The following PPFIBP2 variants were observed in gnomAD, a reference collection of about 807,000 sequenced individuals.
PPFIBP2 encodes the protein PPFIB scaffold protein 2.
In PPFIBP2, 118 loss-of-function variants were observed where a neutral mutation model predicts 118.3. The ratio of observed to expected loss-of-function variants is 1.00; its 90% CI spans 0.86 to 1.16. PPFIBP2 has a LOEUF of 1.16. Among genes scored for constraint, PPFIBP2 ranks in the 50% most tolerant of loss-of-function variants. The probability of loss-of-function intolerance (pLI) is 0.00; values close to 1 mark genes in which losing one functional copy is unlikely to be tolerated. For missense variants in PPFIBP2, 1,195 were observed against 1,073.1 expected (o/e 1.11, Z -1.59); for synonymous variants, 414 against 397.4 (o/e 1.04, Z -0.50).
chr11:7,581,282 G>T (rs1488439994), intron 3 of PPFIBP2, among the ~76,000 whole-genome samples: 1 of 152,172 alleles, frequency 6.6e-6, no homozygotes, highest in Non-Finnish European at 1.5e-5. Flanking sequence ...CTCCGAGCAG[G>T]GTCTGTGGGA....
Position 7,597,749 on chromosome 11 carries a change from A to G in PPFIBP2, c.486+76A>G, listed in dbSNP as rs181931576. On this transcript the variant is annotated intron_variant, in intron 5 of 23. Coordinates refer to ENST00000299492, the MANE Select transcript of PPFIBP2 (RefSeq NM_003621.5). ...TGAAGCCCCTTTGTGTGCCCAGGCT[A>G]CAGCCCTCGCTGTCTGCTTTCCCAT... The G allele has an allele frequency of 1.3e-3, 1,584 of 1,194,152 alleles. 11 individuals are homozygous for G. The highest frequency in any genetic ancestry group is 3.9e-4 in the Non-Finnish European group (315 of 816,638). The allele number at this position is 1,194,152 out of a possible 1,614,324, so 74.0% of individuals were successfully genotyped here.
chr11:7,653,959 G>C (rs146825051), downstream of PPFIBP2, among the ~76,000 whole-genome samples: 3 of 152,276 alleles, frequency 2.0e-5, no homozygotes, highest in East Asian at 5.8e-4. Context: ...TGGCCGCACT[G>C]CTTCAGAATT....
intron 2 of PPFIBP2, among the ~76,000 whole-genome samples, chr11:7,562,961 A>T (rs1433735605): frequency 3.1e-5 from 4 of 129,312 alleles, no homozygotes; most frequent in African/African-American, 8.2e-5. Flanking sequence ...ATATATATAT[A>T]TATATATATA....
intron 6 of PPFIBP2, among the ~76,000 whole-genome samples, chr11:7,618,702 T>C (rs565313377): frequency 6.6e-6 from 1 of 150,666 alleles, no homozygotes; most frequent in East Asian, 1.9e-4. Flanking sequence ...TTCTTTTTCT[T>C]TTTTTTTTAG....
rs878988121 is a variant in PPFIBP2, at chr11:7,549,388, G to A, written c.-36-52G>A. The stretch of plus-strand genomic sequence containing the variant: ...GAAAGATTTTTGCGATCTTGTGTGC[G>A]TAACATGGAACTCTCTGTAATTTTT... On this transcript the variant is annotated intron_variant, in intron 1 of 23. Coordinates refer to ENST00000299492, the MANE Select transcript of PPFIBP2 (RefSeq NM_003621.5). The A allele has an allele frequency of 2.5e-5, 37 of 1,490,920 alleles. 1 individual carries two copies. The highest frequency in any genetic ancestry group is 1.1e-4 in the African/African-American group (8 of 71,328). The allele number at this position is 1,490,920 out of a possible 1,614,324, so 92.4% of individuals were successfully genotyped here. A position where few individuals can be genotyped will look rare whatever the true frequency, so the allele number is the denominator to read the frequency against.
intron 6 of PPFIBP2, chr11:7,617,247 G>A (rs550021818): frequency 8.3e-5 from 82 of 985,440 alleles, no homozygotes; most frequent in South Asian, 3.8e-4. Flanking sequence ...CGGTGTGGCC[G>A]AGCCCCAGCC....
intron 15 of PPFIBP2, among the ~76,000 whole-genome samples, chr11:7,640,212 C>A (rs1379469294): frequency 6.6e-6 from 1 of 152,080 alleles, no homozygotes; most frequent in Non-Finnish European, 1.5e-5. Flanking sequence ...CTCTCAGACA[C>A]CCCCTTCTAC....
intron 1 of PPFIBP2, among the ~76,000 whole-genome samples, chr11:7,541,848 A>G (rs6578870): frequency 0.67 from 101,503 of 151,980 alleles, 34,390 homozygotes; most frequent in Middle Eastern, 0.76. Flanking sequence ...AGGCCTCCAC[A>G]TTCTCTAGGT....
intron 2 of PPFIBP2, among the ~76,000 whole-genome samples, chr11:7,554,191 T>C (rs180797315): frequency 2.0e-5 from 3 of 152,304 alleles, no homozygotes; most frequent in African/African-American, 7.2e-5. Context: ...ATCAAAGTAC[T>C]CAAGTACCCA....
At chr11:7,526,336 C>T (rs1192102175) in intron 1 of PPFIBP2, among the ~76,000 whole-genome samples, 1 of 152,110 alleles carries the variant, frequency 6.6e-6, no homozygotes. Context: ...CATAGAAGCC[C>T]AAGTGAGTGA....
intron 17 of PPFIBP2, among the ~76,000 whole-genome samples, chr11:7,645,839 A>G (rs1011976899): frequency 2.6e-5 from 4 of 152,244 alleles, no homozygotes; most frequent in African/African-American, 9.6e-5. Context: ...GGCAAAAAAT[A>G]AAAGTTAAAA....
intron 6 of PPFIBP2, 188 bp downstream of exon 6, chr11:7,610,610 C>A: frequency 5.3e-6 from 4 of 751,882 alleles, no homozygotes; most frequent in Non-Finnish European, 8.1e-6. Flanking sequence ...CAGCAATATC[C>A]AAACCAGCCA....
chr11:7,621,076 G>T (rs111940239), intron 7 of PPFIBP2, 49 bp downstream of exon 7: 7 of 1,445,026 alleles, frequency 4.8e-6, no homozygotes, highest in African/African-American at 2.8e-5. Flanking sequence ...GGCCTTGTGG[G>T]GAGGGTCTGC....
chr11:7,651,034 G>A, intron 22 of PPFIBP2, 69 bp downstream of exon 22: 1 of 1,524,300 alleles, frequency 6.6e-7, no homozygotes, highest in East Asian at 2.3e-5. Flanking sequence ...TATTTATTAA[G>A]GACAAGGCAC....
intron 2 of PPFIBP2, 137 bp from the exon 3 acceptor site, chr11:7,565,416 G>A (rs1030278686): frequency 1.1e-4 from 92 of 850,356 alleles, no homozygotes; most frequent in Admixed American, 7.7e-4. Context: ...GACTACAGGC[G>A]TGCACCGCCA....
At chr11:7,645,026 CAAAAAAAAAAAAAAAAAAAAAA>C (rs57087700) in intron 17 of PPFIBP2, among the ~76,000 whole-genome samples, 3 of 81,814 alleles carry the variant, frequency 3.7e-5, no homozygotes, top group Non-Finnish European at 6.2e-5. Context: ...GACTCCGTCT[CAAAAAAAAAAAAAAAAAAAAAA>C]AAAAAAAAAA....
At chr11:7,660,570 T>C (rs1259009754), downstream of PPFIBP2, among the ~76,000 whole-genome samples, 3 of 150,520 alleles carry the variant, frequency 2.0e-5, no homozygotes, top group Non-Finnish European at 4.4e-5. Context: ...TGAGGATTTT[T>C]GCATCAATGT....
rs368842494 is a variant in PPFIBP2, at chr11:7,614,353, C to T, written c.618+3931C>T. 8.5e-5 allele frequency among the ~76,000 whole-genome samples: 13 copies of T among 152,296 alleles called. 1 individual carries two copies. The South Asian group carries it at 2.5e-3, about 29-fold the overall frequency. Reference sequence around the variant, plus strand: ...GATACACACAGACACACACACTTTCCCTCATTTTTATACAAATGTACACTA... The same window carrying T: ...GATACACACAGACACACACACTTTCTCTCATTTTTATACAAATGTACACTA... On this transcript the variant is annotated intron_variant, in intron 6 of 23. Coordinates refer to ENST00000299492, the MANE Select transcript of PPFIBP2 (RefSeq NM_003621.5).
intron 1 of PPFIBP2, among the ~76,000 whole-genome samples, chr11:7,545,882 C>T (rs977099624): frequency 6.6e-6 from 1 of 152,176 alleles, no homozygotes; most frequent in Non-Finnish European, 1.5e-5. Context: ...CACTCCCAAT[C>T]CTCCCGACTC....
Sources: gnomAD v4.1 joint callset for allele counts (sites outside exome capture counted in the v4.1 genomes callset) on GRCh38, gnomAD v4.1.1 for gene constraint, MANE v1.5 for transcripts, NCBI Gene and HGNC (gene_info 2026-07-23, HGNC 2026-07-21) for gene names.